The following NBAS variants were observed in gnomAD, a reference collection of about 807,000 sequenced individuals.
NBAS encodes NBAS subunit of NRZ tethering complex, also known as NAG/BC035112 fusion.
In NBAS, 219 loss-of-function variants were observed where a neutral mutation model predicts 302.5. That is an observed-to-expected ratio of 0.72 (90% CI 0.65 to 0.81). NBAS has a LOEUF of 0.81. Ranked by LOEUF, NBAS falls within the 30% of genes least tolerant of loss-of-function variation. NBAS has a pLI of 0.00. For missense variants in NBAS, 2,932 were observed against 2,841.6 expected, an observed-to-expected ratio of 1.03 and a Z score of -0.72; for synonymous variants, 1,118 against 1,021.6, an observed-to-expected ratio of 1.09 and a Z score of -1.80.
At chr2:15,057,489 T>C in the NBAS span, among the ~76,000 whole-genome samples, 13 of 152,186 alleles carry the variant, frequency 8.5e-5, no homozygotes, top group South Asian at 8.3e-4. Context: ...TTACATAAGT[T>C]CTTTAGTGGA....
chr2:15,545,655 T>G (rs1193010220), intron 6 of NBAS, among the ~76,000 whole-genome samples: 1 of 152,244 alleles, frequency 6.6e-6, no homozygotes, highest in African/African-American at 2.4e-5. Context: ...TAAAATTGGT[T>G]AATTAAAAGA....
chr2:15,247,411 T>C (rs1668141339), intron 44 of NBAS, among the ~76,000 whole-genome samples: 2 of 152,048 alleles, frequency 1.3e-5, no homozygotes, highest in South Asian at 4.2e-4. Flanking sequence ...GTAAACAGGC[T>C]AAATGCCCCA....
At chr2:15,123,025 C>T in the NBAS span, among the ~76,000 whole-genome samples, 425 of 152,288 alleles carry the variant, frequency 2.8e-3, 1 homozygote, top group African/African-American at 9.6e-3. Flanking sequence ...GGCACTCCAG[C>T]TCAGTACATG....
intron 40 of NBAS, among the ~76,000 whole-genome samples, chr2:15,301,977 T>G (rs1235685233): frequency 6.6e-6 from 1 of 152,210 alleles, no homozygotes; most frequent in African/African-American, 2.4e-5. Flanking sequence ...TGTCTACACC[T>G]CCATTTTAGA....
the NBAS span, among the ~76,000 whole-genome samples, chr2:14,937,333 C>G: frequency 1.7e-4 from 26 of 152,302 alleles, no homozygotes; most frequent in Non-Finnish European, 1.5e-5. Flanking sequence ...TGTCTGAGTC[C>G]TGTGAGACAG....
chr2:14,863,788 A>G, the NBAS span, among the ~76,000 whole-genome samples: 1 of 152,212 alleles, frequency 6.6e-6, no homozygotes, highest in Non-Finnish European at 1.5e-5. Context: ...ATATTCCAAC[A>G]CTTCTAATAC....
the NBAS span, among the ~76,000 whole-genome samples, chr2:14,788,652 C>T: frequency 6.6e-6 from 1 of 152,194 alleles, no homozygotes; most frequent in African/African-American, 2.4e-5. Context: ...TCATGAACCA[C>T]AAATGCTGCT....
Position 15,429,612 on chromosome 2 carries a change from T to A in NBAS, c.2340-1818A>T, listed in dbSNP as rs545044708. On this transcript the variant is annotated intron_variant, in intron 21 of 51. Transcript: ENST00000281513. Reference sequence around the variant, plus strand: ...GACTGATCAATCAACAGCATCACCCTTGCAGTTATTATTATTGGGGCAAAT... The same window carrying A: ...GACTGATCAATCAACAGCATCACCCATGCAGTTATTATTATTGGGGCAAAT... 4.9e-4 allele frequency among the ~76,000 whole-genome samples: 75 copies of A among 152,280 alleles called. 1 individual carries two copies. Among genetic ancestry groups the A allele is most frequent in the African/African-American group, 1.7e-3 (71 of 41,558 alleles).
At chr2:14,786,170 C>T in the NBAS span, among the ~76,000 whole-genome samples, 2 of 151,784 alleles carry the variant, frequency 1.3e-5, no homozygotes, top group Non-Finnish European at 2.9e-5. Flanking sequence ...TGGTGATATC[C>T]CCTTTATCAT....
At chr2:14,961,129 C>T in the NBAS span, among the ~76,000 whole-genome samples, 5 of 152,170 alleles carry the variant, frequency 3.3e-5, no homozygotes, top group East Asian at 3.9e-4. Context: ...CTGTCAGCTG[C>T]CCCCTAGTTT....
chr2:15,327,678 T>A lies in NBAS; in HGVS notation c.4582+72A>T, dbSNP rs946714174. 1.8e-5 allele frequency: 29 copies of A among 1,584,136 alleles called. No homozygotes were observed. The East Asian group carries it at 6.5e-4, about 36-fold the overall frequency. On this transcript the variant is annotated intron_variant, in intron 38 of 51. Coordinates refer to ENST00000281513, the MANE Select transcript of NBAS (RefSeq NM_015909.4). ...AATTTCTTTTCCAAACTCTTGTTCA[T>A]TCACAAATTTTTGGTTAACAATGTT...
At chr2:15,289,073 T>C (rs894686516) in intron 41 of NBAS, among the ~76,000 whole-genome samples, 1 of 152,116 alleles carries the variant, frequency 6.6e-6, no homozygotes, top group Admixed American at 6.5e-5. Context: ...AATTCTTATT[T>C]TTTATTTATT....
At chr2:15,430,403 A>G (rs563613539) in intron 21 of NBAS, among the ~76,000 whole-genome samples, 3 of 152,338 alleles carry the variant, frequency 2.0e-5, no homozygotes, top group South Asian at 2.1e-4. Context: ...TAGCATTACT[A>G]TTACTACTAC....
At chr2:15,127,928 G>A in the NBAS span, among the ~76,000 whole-genome samples, 1 of 152,292 alleles carries the variant, frequency 6.6e-6, no homozygotes, top group Non-Finnish European at 1.5e-5. Context: ...ATTTCTTGGG[G>A]CCACTAACAC....
At chr2:14,973,458 G>A in the NBAS span, among the ~76,000 whole-genome samples, 3 of 152,188 alleles carry the variant, frequency 2.0e-5, no homozygotes, top group Non-Finnish European at 2.9e-5. Context: ...TTGAATGTAT[G>A]CATTCCACCT....
intron 10 of NBAS, among the ~76,000 whole-genome samples, chr2:15,507,951 T>G (rs1484339953): frequency 6.6e-6 from 1 of 151,384 alleles, no homozygotes; most frequent in Middle Eastern, 3.2e-3. Context: ...GTCAGCAGCA[T>G]TTTTCAGTCA....
rs983129418 is a variant in NBAS, at chr2:15,382,714, T to C, written c.3360+501A>G. Among the ~76,000 whole-genome samples the C allele has an allele frequency of 1.2e-4, 19 of 152,212 alleles. 1 individual carries two copies. Among genetic ancestry groups the C allele is most frequent in the Non-Finnish European group, 2.4e-4 (16 of 68,032 alleles). On this transcript the variant is annotated intron_variant, in intron 29 of 51. Transcript: ENST00000281513. ...CTGGCATCTTCTATAGCTTTCTATG[T>C]CATGCTAAGGAGTAGAGCTACTTTT...
At chr2:14,952,749 A>G in the NBAS span, among the ~76,000 whole-genome samples, 1 of 152,226 alleles carries the variant, frequency 6.6e-6, no homozygotes, top group Non-Finnish European at 1.5e-5. Flanking sequence ...CACCCAGCAG[A>G]GCGCCTGACA....
chr2:15,473,947 A>G, intron 15 of NBAS, 120 bp downstream of exon 15: 1 of 1,197,748 alleles, frequency 8.3e-7, no homozygotes. Context: ...GATATTTTTA[A>G]CATGTCAATG....
Sources: gnomAD v4.1 joint callset for allele counts (sites outside exome capture counted in the v4.1 genomes callset) on GRCh38, gnomAD v4.1.1 for gene constraint, MANE v1.5 for transcripts, NCBI Gene and HGNC (gene_info 2026-07-23, HGNC 2026-07-21) for gene names.